The following ANK3 variants were observed in gnomAD, a reference collection of about 807,000 sequenced individuals.
ANK3 encodes the protein ankyrin 3, also known as ankyrin-3.
Under a neutral mutation model 370.9 loss-of-function variants are expected in ANK3, and 57 were observed. That is an observed-to-expected ratio of 0.15 (90% CI 0.12 to 0.19). ANK3 has a LOEUF of 0.19. Ranked by LOEUF, ANK3 falls within the 10% of genes least tolerant of loss-of-function variation. ANK3 has a pLI of 1.00. For synonymous variants in ANK3, 1,929 were observed against 1,946.3 expected (o/e 0.99, Z 0.23); for missense variants, 4,439 against 5,302.1 (o/e 0.84, Z 5.06).
chr10:60,457,212 A>G (rs1334154478), intron 2 of ANK3, among the ~76,000 whole-genome samples: 3 of 152,178 alleles, frequency 2.0e-5, no homozygotes, highest in African/African-American at 4.8e-5. Context: ...GTGCAAAGTT[A>G]GAGCTAAACT....
intron 8 of ANK3, among the ~76,000 whole-genome samples, chr10:60,216,301 G>A (rs1258380293): frequency 2.0e-5 from 3 of 152,122 alleles, no homozygotes; most frequent in African/African-American, 7.2e-5. Context: ...CCAACATTAT[G>A]TCAAATAGGA....
chr10:60,050,066 C>G (rs2077636281), intron 42 of ANK3, among the ~76,000 whole-genome samples: 1 of 152,096 alleles, frequency 6.6e-6, no homozygotes, highest in African/African-American at 2.4e-5. Flanking sequence ...TTTAAAATAT[C>G]ATATCTTGAA....
rs769038211 is a variant in ANK3, at chr10:60,059,352, C to T, written c.12674G>A (p.Arg4225Gln). 8.7e-6 allele frequency: 14 copies of T among 1,613,838 alleles called. No homozygotes were observed. Among genetic ancestry groups the T allele is most frequent in the African/African-American group, 6.7e-5 (5 of 74,914 alleles). ...GAAACAGCCATACCTGTCATCCAGT[C>T]GATCTAGTAACCCACCAGTTACTCT... ...ARRVTGGLLD[R>Q]LDDSPDQCRD... The change falls in exon 41 of 44, where the codon CGA becomes CAA. Residue 4225 changes from arginine to glutamine, a missense_variant. By Grantham distance (43) the Arg-to-Gln change is conservative. Transcript: ENST00000280772.
At position 60,199,855 on chromosome 10, in the gene ANK3, G is replaced by C. The variant is rs1591631888; in HGVS notation, c.1491+274C>G. On this transcript the variant is annotated intron_variant, in intron 13 of 43. Transcript: ENST00000280772. ...TGTGAAGAACTTTGGACCAAGTCTAGATTCAGTCCCCAATCTGTTAGGGAC... is the reference window on the plus strand; with the variant it reads ...TGTGAAGAACTTTGGACCAAGTCTACATTCAGTCCCCAATCTGTTAGGGAC... Among the ~76,000 whole-genome samples, 8 of 152,288 alleles carry C rather than the reference G, an allele frequency of 5.3e-5. No individual in the cohort carries two copies. The East Asian group carries it at 1.5e-3, about 29-fold the overall frequency.
At chr10:60,460,903 T>C (rs1340055111) in intron 2 of ANK3, among the ~76,000 whole-genome samples, 2 of 152,134 alleles carry the variant, frequency 1.3e-5, no homozygotes. Context: ...CACAATACCA[T>C]AGAGGATTTT....
chr10:60,617,559 T>C (rs939592641), intron 1 of ANK3, among the ~76,000 whole-genome samples: 2 of 152,158 alleles, frequency 1.3e-5, no homozygotes, highest in Non-Finnish European at 1.5e-5. Flanking sequence ...AACCAGATAA[T>C]GTACAGAAAT....
At chr10:60,043,362 G>A (rs2076437239) in intron 42 of ANK3, 1 of 984,460 alleles carries the variant, frequency 1.0e-6, no homozygotes, top group Non-Finnish European at 1.2e-6. Flanking sequence ...TTTGTGATTT[G>A]TACTTCTGAT....
intron 25 of ANK3, among the ~76,000 whole-genome samples, chr10:60,127,982 C>T (rs2093855652): frequency 6.6e-6 from 1 of 152,130 alleles, no homozygotes; most frequent in Non-Finnish European, 1.5e-5. Flanking sequence ...CAGATGTGAG[C>T]CACCGCGCCC....
Position 60,725,523 on chromosome 10 carries a change from C to T in ANK3, c.57+7740G>A, listed in dbSNP as rs181906297. On this transcript the variant is annotated intron_variant, in intron 1 of 43. Transcript: ENST00000373827. The stretch of plus-strand genomic sequence containing the variant: ...CTTCCACCAGCACACGCAAGGCTTC[C>T]TATTTATTCCCTCCTTCCCTCATTT... Among the ~76,000 whole-genome samples, 267 of 152,262 alleles carry T rather than the reference C, an allele frequency of 1.8e-3. 2 individuals are homozygous for T. Among genetic ancestry groups the T allele is most frequent in the African/African-American group, 6.2e-3 (256 of 41,544 alleles).
At chr10:60,591,920 A>G (rs955280330) in intron 2 of ANK3, among the ~76,000 whole-genome samples, 1 of 152,212 alleles carries the variant, frequency 6.6e-6, no homozygotes, top group Non-Finnish European at 1.5e-5. Context: ...TGATTACCAC[A>G]GACTTGGAAG....
At chr10:60,420,699 A>G (rs1258222681) in intron 2 of ANK3, among the ~76,000 whole-genome samples, 1 of 152,144 alleles carries the variant, frequency 6.6e-6, no homozygotes, top group Non-Finnish European at 1.5e-5. Flanking sequence ...GTGTTTACAC[A>G]TAAGATGCAG....
At chr10:60,647,758 A>G (rs904940144) in intron 1 of ANK3, among the ~76,000 whole-genome samples, 1 of 152,184 alleles carries the variant, frequency 6.6e-6, no homozygotes, top group East Asian at 1.9e-4. Flanking sequence ...TGTATAGCAC[A>G]GAATAGAGGA....
chr10:60,118,315 T>C (rs1268449160), intron 25 of ANK3, among the ~76,000 whole-genome samples: 1 of 152,210 alleles, frequency 6.6e-6, no homozygotes, highest in Non-Finnish European at 1.5e-5. Flanking sequence ...AAAATAAATT[T>C]GTAGAGCAAT....
intron 1 of ANK3, among the ~76,000 whole-genome samples, chr10:60,374,070 A>G (rs2060455912): frequency 6.6e-6 from 1 of 151,974 alleles, no homozygotes; most frequent in South Asian, 2.1e-4. Context: ...AGTCCTGCCC[A>G]AGTGCTCCTT....
chr10:60,307,321 T>C (rs2045360330), intron 1 of ANK3, among the ~76,000 whole-genome samples: 1 of 152,188 alleles, frequency 6.6e-6, no homozygotes, highest in South Asian at 2.1e-4. Context: ...CCTCATGATA[T>C]AGTTGTAAAC....
intron 1 of ANK3, among the ~76,000 whole-genome samples, chr10:60,660,037 G>A (rs2078915745): frequency 6.6e-6 from 1 of 152,060 alleles, no homozygotes; most frequent in African/African-American, 2.4e-5. Context: ...TAGGTAAGTA[G>A]GCAGGTAGGT....
intron 2 of ANK3, among the ~76,000 whole-genome samples, chr10:60,539,632 T>C (rs1372698485): frequency 3.3e-5 from 5 of 151,866 alleles, no homozygotes; most frequent in Admixed American, 6.6e-5. Context: ...TAGTGAAATA[T>C]ATGGTCTCCA....
chr10:60,250,512 C>A (rs548278610), intron 7 of ANK3, among the ~76,000 whole-genome samples: 36 of 152,242 alleles, frequency 2.4e-4, no homozygotes, highest in Admixed American at 1.4e-3. Context: ...CTACAGGTGC[C>A]TGCCACCACG....
At chr10:60,248,865 C>A (rs2097597781) in intron 7 of ANK3, among the ~76,000 whole-genome samples, 1 of 152,154 alleles carries the variant, frequency 6.6e-6, no homozygotes, top group African/African-American at 2.4e-5. Context: ...TGAGTCTCTT[C>A]CTAACTTGGG....
Sources: gnomAD v4.1 joint callset for allele counts (sites outside exome capture counted in the v4.1 genomes callset) on GRCh38, gnomAD v4.1.1 for gene constraint, MANE v1.5 for transcripts, NCBI Gene and HGNC (gene_info 2026-07-23, HGNC 2026-07-21) for gene names.